The following DENND1B variants were observed in gnomAD, a reference collection of about 807,000 sequenced individuals.
DENND1B encodes the protein DENN domain containing 1B.
DENND1B carries 59 observed loss-of-function variants against 90.1 expected under a neutral mutation model. The ratio of observed to expected loss-of-function variants is 0.65; its 90% CI spans 0.53 to 0.81. The LOEUF (loss-of-function observed/expected upper bound fraction) is 0.81, where lower values mean the gene tolerates loss of function less well. Among genes scored for constraint, DENND1B ranks in the 40% least tolerant of loss-of-function variants. The probability of loss-of-function intolerance (pLI) is 0.00; values close to 1 mark genes in which losing one functional copy is unlikely to be tolerated. For synonymous variants in DENND1B, 337 were observed against 324.6 expected (o/e 1.04, Z -0.41); for missense variants, 862 against 912.6 (o/e 0.94, Z 0.71).
chr1:197,557,233 A>T (rs1671792076), intron 15 of DENND1B, among the ~76,000 whole-genome samples: 1 of 152,106 alleles, frequency 6.6e-6, no homozygotes, highest in African/African-American at 2.4e-5. Flanking sequence ...TAATTTTTTT[A>T]AAAATAAAGT....
chr1:197,696,417 G>C (rs897417502), intron 3 of DENND1B, among the ~76,000 whole-genome samples: 1 of 151,426 alleles, frequency 6.6e-6, no homozygotes. Flanking sequence ...TATCATGGAA[G>C]CACATACTAG....
intron 14 of DENND1B, among the ~76,000 whole-genome samples, chr1:197,590,053 G>T (rs1675051339): frequency 6.6e-6 from 1 of 152,076 alleles, no homozygotes; most frequent in Non-Finnish European, 1.5e-5. Context: ...CCATTTCTTA[G>T]TTATTTAATA....
At chr1:197,686,890 AGCCAGAATGC>A (rs1657300631) in intron 3 of DENND1B, among the ~76,000 whole-genome samples, 2 of 152,296 alleles carry the variant, frequency 1.3e-5, no homozygotes, top group South Asian at 4.1e-4. Flanking sequence ...TGGGCTCTCC[AGCCAGAATGC>A]TAGGTTCAGA....
intron 20 of DENND1B, among the ~76,000 whole-genome samples, chr1:197,529,582 GAC>G (rs1475854763): frequency 6.6e-6 from 1 of 151,764 alleles, no homozygotes; most frequent in Non-Finnish European, 1.5e-5. Flanking sequence ...GTCTCATGAA[GAC>G]ACACAGAAAC....
chr1:197,693,287 T>C (rs1317350082), intron 3 of DENND1B, among the ~76,000 whole-genome samples: 3 of 151,748 alleles, frequency 2.0e-5, no homozygotes, highest in Non-Finnish European at 4.4e-5. Context: ...TAAGTAAACA[T>C]GTGACTGTGT....
chr1:197,662,363 T>G (rs1032072694), intron 5 of DENND1B, among the ~76,000 whole-genome samples: 15 of 152,048 alleles, frequency 9.9e-5, no homozygotes, highest in Non-Finnish European at 1.5e-4. Context: ...CATTGGATAC[T>G]TATATGTATT....
rs1001901826 is a variant in DENND1B at position 197,775,275 on chromosome 1, G to C, written c.-120C>G. ...ACGCCGGCGGCCACACAGGGAAAGA[G>C]GCTGCTCACAGCAGCCGTGGCGGCG... On this transcript the variant is annotated 5_prime_UTR_variant, in exon 1 of 23. Transcript: ENST00000620048. 10 of 810,310 alleles carry C rather than the reference G, an allele frequency of 1.2e-5. No homozygotes were observed. The African/African-American group carries it at 1.8e-4, about 15-fold the overall frequency. The allele number at this position is 810,310 out of a possible 1,614,324, so 50.2% of individuals were successfully genotyped here. A position where few individuals can be genotyped will look rare whatever the true frequency, so the allele number is the denominator to read the frequency against.
rs555488131 is a variant in DENND1B, at chr1:197,545,175, C to T, written c.1350+747G>A. Among the ~76,000 whole-genome samples, 341 of 151,992 alleles carry T rather than the reference C, an allele frequency of 2.2e-3. 2 individuals carry two copies. Among genetic ancestry groups the T allele is most frequent in the Non-Finnish European group, 3.3e-3 (225 of 67,940 alleles). ...ATCCCAGCACTTTGAGAGGCCAAGG[C>T]GGGCAGATCACTTGAGGTCAGGGGT... On this transcript the variant is annotated intron_variant, in intron 18 of 22. Transcript: ENST00000620048.
At chr1:197,607,238 T>C (rs553485384) in intron 12 of DENND1B, 64 bp from the exon 13 acceptor site, 3 of 1,134,294 alleles carry the variant, frequency 2.6e-6, no homozygotes, top group South Asian at 3.5e-5. Context: ...TATGATGAGT[T>C]TGGAAACAGA....
At chr1:197,567,924 A>G (rs1042970281) in intron 15 of DENND1B, among the ~76,000 whole-genome samples, 3 of 152,018 alleles carry the variant, frequency 2.0e-5, no homozygotes, top group African/African-American at 7.2e-5. Flanking sequence ...TTTTAAACAC[A>G]GAAGTAGAAA....
intron 2 of DENND1B, among the ~76,000 whole-genome samples, chr1:197,765,309 C>G (rs1042385117): frequency 6.6e-6 from 1 of 151,982 alleles, no homozygotes; most frequent in African/African-American, 2.4e-5. Flanking sequence ...AGCTTATTTC[C>G]AAGGAAGAAG....
intron 20 of DENND1B, among the ~76,000 whole-genome samples, chr1:197,515,428 A>C (rs1198984800): frequency 1.3e-5 from 2 of 151,726 alleles, no homozygotes; most frequent in Non-Finnish European, 3.0e-5. Context: ...TACTCTCTCC[A>C]AAACTCACAA....
At chr1:197,722,839 T>C (rs1003877411) in intron 2 of DENND1B, among the ~76,000 whole-genome samples, 3 of 152,158 alleles carry the variant, frequency 2.0e-5, no homozygotes, top group African/African-American at 4.8e-5. Context: ...CTAAGCAATT[T>C]TGAAAATATG....
chr1:197,729,070 GTCTC>G (rs1661914146), intron 2 of DENND1B, among the ~76,000 whole-genome samples: 1 of 151,978 alleles, frequency 6.6e-6, no homozygotes, highest in South Asian at 2.1e-4. Context: ...ACTTTTCTCT[GTCTC>G]TCTAAAATCA....
At chr1:197,702,077 C>T (rs1659090890) in intron 3 of DENND1B, among the ~76,000 whole-genome samples, 1 of 151,952 alleles carries the variant, frequency 6.6e-6, no homozygotes, top group Non-Finnish European at 1.5e-5. Context: ...GATTATAAAG[C>T]CTCATAAATT....
At chr1:197,525,445 A>G (rs1364084372) in intron 20 of DENND1B, among the ~76,000 whole-genome samples, 4 of 152,222 alleles carry the variant, frequency 2.6e-5, no homozygotes, top group African/African-American at 7.2e-5. Flanking sequence ...ACTTTTGTTG[A>G]CAGGGTTTCA....
intron 6 of DENND1B, among the ~76,000 whole-genome samples, chr1:197,656,134 GA>G (rs113706522): frequency 0.011 from 1,651 of 152,186 alleles, 39 homozygotes; most frequent in African/African-American, 0.038. Flanking sequence ...ATCTTGAAGA[GA>G]AAAGAGTCTT....
intron 14 of DENND1B, 27 bp from the exon 15 acceptor site, chr1:197,583,280 C>T: frequency 1.2e-6 from 2 of 1,604,602 alleles, no homozygotes; most frequent in Non-Finnish European, 1.7e-6. Context: ...ATTTTAAGGG[C>T]ATCAATAAAA....
intron 2 of DENND1B, among the ~76,000 whole-genome samples, chr1:197,718,824 A>C (rs1423552592): frequency 6.6e-6 from 1 of 152,136 alleles, no homozygotes; most frequent in African/African-American, 2.4e-5. Flanking sequence ...AAATCATCTA[A>C]CATATCTGAA....
Sources: gnomAD v4.1 joint callset for allele counts (sites outside exome capture counted in the v4.1 genomes callset) on GRCh38, gnomAD v4.1.1 for gene constraint, MANE v1.5 for transcripts, NCBI Gene and HGNC (gene_info 2026-07-23, HGNC 2026-07-21) for gene names.